The following ASIC2 variants were observed in gnomAD, a reference collection of about 807,000 sequenced individuals.
The protein encoded by ASIC2 is acid sensing ion channel subunit 2, also known as acid-sensing ion channel 2.
Under a neutral mutation model 57.3 loss-of-function variants are expected in ASIC2, and 25 were observed. That is an observed-to-expected ratio of 0.44 (90% CI 0.32 to 0.61). ASIC2 has a LOEUF of 0.61. Ranked by LOEUF, ASIC2 falls within the 20% of genes least tolerant of loss-of-function variation. The probability of loss-of-function intolerance (pLI) is 0.06; values close to 1 mark genes in which losing one functional copy is unlikely to be tolerated. For missense variants in ASIC2, 641 were observed against 738.1 expected (o/e 0.87, Z 1.52); for synonymous variants, 319 against 307.5 (o/e 1.04, Z -0.39).
intron 1 of ASIC2, among the ~76,000 whole-genome samples, chr17:33,420,468 G>T (rs1911006451): frequency 6.6e-6 from 1 of 152,178 alleles, no homozygotes; most frequent in Non-Finnish European, 1.5e-5. Context: ...AGAAAAACAT[G>T]AACTAAAGGT....
rs529363982 is a variant in ASIC2, at chr17:33,421,707, A to G, written c.556-309640T>C. 2.0e-5 allele frequency among the ~76,000 whole-genome samples: 3 copies of G among 152,338 alleles called. No homozygotes were observed. In the South Asian group the frequency reaches 6.2e-4, roughly 32 times the overall value. On this transcript the variant is annotated intron_variant, in intron 1 of 9. Coordinates refer to the ASIC2 transcript ENST00000359872. ...CCAGGAAGTAGAAAATGGATCAGGGAAGAACAGGACAGAGAATCCTCTTTG... is the reference window on the plus strand; with the variant it reads ...CCAGGAAGTAGAAAATGGATCAGGGGAGAACAGGACAGAGAATCCTCTTTG...
chr17:33,940,764 A>C (rs927252442), intron 1 of ASIC2, among the ~76,000 whole-genome samples: 1 of 152,250 alleles, frequency 6.6e-6, no homozygotes, highest in Admixed American at 6.5e-5. Context: ...AGTATTTTAA[A>C]GAACACAATG....
chr17:33,614,440 C>A (rs797011622), intron 1 of ASIC2, among the ~76,000 whole-genome samples: 5 of 152,190 alleles, frequency 3.3e-5, no homozygotes, highest in Admixed American at 3.3e-4. Flanking sequence ...ACTGAGCCAA[C>A]CCTGCACAGC....
intron 1 of ASIC2, among the ~76,000 whole-genome samples, chr17:33,417,112 T>G (rs1910870545): frequency 6.6e-6 from 1 of 152,204 alleles, no homozygotes; most frequent in South Asian, 2.1e-4. Context: ...TTCCTCTAGC[T>G]GCTGCAGACA....
chr17:33,213,118 G>A (rs1187227578), intron 1 of ASIC2, among the ~76,000 whole-genome samples: 3 of 152,228 alleles, frequency 2.0e-5, no homozygotes, highest in Non-Finnish European at 4.4e-5. Context: ...TTTTATGAAA[G>A]CAGGTCTTGA....
At chr17:33,180,447 C>G (rs1905935025) in intron 1 of ASIC2, among the ~76,000 whole-genome samples, 2 of 152,112 alleles carry the variant, frequency 1.3e-5, no homozygotes, top group Admixed American at 1.3e-4. Flanking sequence ...TCCCTCTGTT[C>G]CTAGCATGCT....
intron 1 of ASIC2, among the ~76,000 whole-genome samples, chr17:34,046,765 G>T (rs2142050065): frequency 6.6e-6 from 1 of 152,260 alleles, no homozygotes; most frequent in South Asian, 2.1e-4. Context: ...CATTTTTATG[G>T]GTGATTTTGT....
intron 1 of ASIC2, among the ~76,000 whole-genome samples, chr17:33,520,115 T>G: frequency 6.6e-6 from 1 of 152,252 alleles, no homozygotes; most frequent in Non-Finnish European, 1.5e-5. Flanking sequence ...GAATTCTGGC[T>G]TATTGTGGCC....
intron 1 of ASIC2, among the ~76,000 whole-genome samples, chr17:33,889,604 A>G (rs1383265351): frequency 1.3e-5 from 2 of 152,226 alleles, no homozygotes; most frequent in East Asian, 3.9e-4. Context: ...CTTCTCACCA[A>G]GATAATACTA....
At chr17:33,689,921 A>T (rs73280960) in intron 1 of ASIC2, among the ~76,000 whole-genome samples, 3,565 of 152,294 alleles carry the variant, frequency 0.023, 127 homozygotes, top group African/African-American at 0.082. Context: ...TCTACCCTGG[A>T]GCCTCCAGAG....
intron 1 of ASIC2, among the ~76,000 whole-genome samples, chr17:33,649,334 TA>T (rs1906848080): frequency 6.6e-6 from 1 of 152,174 alleles, no homozygotes; most frequent in Non-Finnish European, 1.5e-5. Context: ...AATTACAATC[TA>T]AATATGTACA....
At chr17:34,020,780 C>T (rs958141886) in intron 1 of ASIC2, among the ~76,000 whole-genome samples, 8 of 152,146 alleles carry the variant, frequency 5.3e-5, no homozygotes, top group Non-Finnish European at 7.3e-5. Context: ...AATGCAGCCC[C>T]GCCCGCACCG....
intron 1 of ASIC2, among the ~76,000 whole-genome samples, chr17:33,246,204 T>C (rs1908683690): frequency 6.7e-6 from 1 of 149,226 alleles, no homozygotes; most frequent in South Asian, 2.3e-4. Context: ...TTGGCCTAAT[T>C]GGCTGGGGGA....
intron 1 of ASIC2, among the ~76,000 whole-genome samples, chr17:33,372,387 G>A (rs528702189): frequency 5.9e-5 from 9 of 152,214 alleles, no homozygotes; most frequent in African/African-American, 2.2e-4. Context: ...TCCTCACCTA[G>A]GACATAGGAT....
At chr17:34,051,871 A>G (rs1013141457) in intron 1 of ASIC2, 1 of 80,804 alleles carries the variant, frequency 1.2e-5, no homozygotes, top group Non-Finnish European at 2.5e-5. Flanking sequence ...AGAGAGAGAG[A>G]GAGCGAGAGA....
intron 1 of ASIC2, among the ~76,000 whole-genome samples, chr17:33,795,220 A>C (rs1007966672): frequency 6.6e-6 from 1 of 152,190 alleles, no homozygotes; most frequent in Non-Finnish European, 1.5e-5. Context: ...TCCCTCAGTT[A>C]AGGAAGTGTT....
At position 33,049,706 on chromosome 17, in the gene ASIC2, T is replaced by G. The variant is rs58964064; in HGVS notation, c.988-21314A>C. Among the ~76,000 whole-genome samples the G allele has an allele frequency of 4.5e-3, 690 of 152,342 alleles. 5 individuals carry two copies. Among genetic ancestry groups the G allele is most frequent in the African/African-American group, 0.016 (645 of 41,574 alleles). On this transcript the variant is annotated intron_variant, in intron 3 of 9. Transcript: ENST00000225823. ...GCTGTTGAGCCTCGGTTTCCTCATCTGTATAATGGGAATACTTAGCTTTAC... is the reference window on the plus strand; with the variant it reads ...GCTGTTGAGCCTCGGTTTCCTCATCGGTATAATGGGAATACTTAGCTTTAC...
intron 3 of ASIC2, among the ~76,000 whole-genome samples, chr17:33,034,918 G>A (rs1205877613): frequency 6.6e-6 from 1 of 152,126 alleles, no homozygotes; most frequent in African/African-American, 2.4e-5. Context: ...CTGTTTTTCT[G>A]CCTTATTCTG....
At chr17:33,257,743 C>A (rs1909131413) in intron 1 of ASIC2, among the ~76,000 whole-genome samples, 1 of 152,222 alleles carries the variant, frequency 6.6e-6, no homozygotes, top group South Asian at 2.1e-4. Context: ...TCAGAGAACA[C>A]AGGTACAACA....
Sources: allele counts gnomAD v4.1 joint callset (sites outside exome capture counted in the v4.1 genomes callset), GRCh38; gene constraint gnomAD v4.1.1; transcripts MANE v1.5; gene names NCBI Gene and HGNC (gene_info 2026-07-23, HGNC 2026-07-21).